Variants in GRM7 observed in about 807,000 individuals in gnomAD.
GRM7 encodes metabotropic glutamate receptor 7.
In GRM7, 35 loss-of-function variants were observed where a neutral mutation model predicts 84.5. The ratio of observed to expected loss-of-function variants is 0.41; its 90% confidence interval spans 0.32 to 0.55. The LOEUF (loss-of-function observed/expected upper bound fraction) is 0.55, where lower values mean the gene tolerates loss of function less well. Ranked by LOEUF, GRM7 falls within the 20% of genes least tolerant of loss-of-function variation. The probability of loss-of-function intolerance (pLI) is 0.19; values close to 1 mark genes in which losing one functional copy is unlikely to be tolerated. For missense variants in GRM7, 1,003 were observed against 1,194.6 expected (o/e 0.84, Z 2.36); for synonymous variants, 487 against 455.1 (o/e 1.07, Z -0.89).
chr3:7,229,722 CACACATATAT>C (rs1341765876), intron 2 of GRM7, among the ~76,000 whole-genome samples: 538 of 25,662 alleles, frequency 0.021, 30 homozygotes, highest in African/African-American at 0.043. Flanking sequence ...TCCATAGACA[CACACATATAT>C]ATATATATAT....
chr3:7,399,326 T>C (rs1005433602), intron 4 of GRM7, among the ~76,000 whole-genome samples: 9 of 152,168 alleles, frequency 5.9e-5, no homozygotes, highest in Non-Finnish European at 1.3e-4. Context: ...TGGTCTGTTC[T>C]GTAAAACTTT....
chr3:7,272,512 T>C (rs1698903755), intron 2 of GRM7, among the ~76,000 whole-genome samples: 1 of 152,132 alleles, frequency 6.6e-6, no homozygotes, highest in Non-Finnish European at 1.5e-5. Flanking sequence ...GGCTATTAAT[T>C]ATTGTTTCAA....
Position 7,680,158 on chromosome 3 carries a change from T to A in GRM7, c.2561T>A (p.Leu854His). The A allele has an allele frequency of 8.1e-6, 13 of 1,614,096 alleles. No homozygotes were observed. Among genetic ancestry groups the A allele is most frequent in the Non-Finnish European group, 1.0e-5 (12 of 1,180,014 alleles). ...TACATCATCATTTTCCACCCTGAAC[T>A]CAATGTCCAGAAACGGAAGCGAAGC... ...KVYIIIFHPE[L>H]NVQKRKRSFK... Residue 854 changes from leucine to histidine, a missense_variant, in exon 9 of 10, where the codon CTC (leucine) becomes CAC (histidine). Transcript: ENST00000357716.
intron 1 of GRM7, among the ~76,000 whole-genome samples, chr3:6,936,446 C>G (rs1469035476): frequency 2.0e-5 from 3 of 152,206 alleles, no homozygotes; most frequent in African/African-American, 7.2e-5. Context: ...CTCTCTCCAA[C>G]TAGGCCTGGA....
chr3:7,550,860 T>C (rs569747711), intron 7 of GRM7, among the ~76,000 whole-genome samples: 4 of 152,056 alleles, frequency 2.6e-5, no homozygotes, highest in Non-Finnish European at 5.9e-5. Flanking sequence ...TCAGTCTCAA[T>C]TGACTTAATC....
intron 4 of GRM7, among the ~76,000 whole-genome samples, chr3:7,314,971 A>G (rs1360327596): frequency 6.6e-6 from 1 of 151,774 alleles, no homozygotes; most frequent in Non-Finnish European, 1.5e-5. Context: ...TGACTTTTCC[A>G]TACTATTTCT....
At chr3:7,668,232 C>T (rs1699779158) in intron 8 of GRM7, among the ~76,000 whole-genome samples, 1 of 152,202 alleles carries the variant, frequency 6.6e-6, no homozygotes, top group Admixed American at 6.5e-5. Context: ...TTCCCCTTCC[C>T]ACCGAGTACC....
At chr3:6,945,748 C>T (rs532407110) in intron 1 of GRM7, among the ~76,000 whole-genome samples, 19 of 152,232 alleles carry the variant, frequency 1.2e-4, no homozygotes, top group South Asian at 6.2e-4. Flanking sequence ...TTTTAATGAT[C>T]GCCATTCTAA....
intron 2 of GRM7, among the ~76,000 whole-genome samples, chr3:7,282,696 T>G (rs1280820408): frequency 6.6e-6 from 1 of 152,224 alleles, no homozygotes; most frequent in Non-Finnish European, 1.5e-5. Flanking sequence ...GTAGGTAATG[T>G]TGATTAGACC....
chr3:7,521,785 C>A (rs563326811), intron 7 of GRM7, among the ~76,000 whole-genome samples: 2 of 152,130 alleles, frequency 1.3e-5, no homozygotes, highest in Non-Finnish European at 1.5e-5. Flanking sequence ...AAAAAAAGAA[C>A]GCCGAGTAGC....
intron 2 of GRM7, among the ~76,000 whole-genome samples, chr3:7,263,536 G>A (rs1248228088): frequency 6.6e-6 from 1 of 152,180 alleles, no homozygotes; most frequent in African/African-American, 2.4e-5. Context: ...ACGGGTCAGG[G>A]GCGGCTCCAC....
chr3:7,495,591 A>G (rs13081217), intron 7 of GRM7, among the ~76,000 whole-genome samples: 54,221 of 151,910 alleles, frequency 0.36, 10,766 homozygotes, highest in East Asian at 0.65. Flanking sequence ...TCAAGAGAAA[A>G]AAAGAATCTC....
At chr3:7,433,866 C>A (rs1328565605) in intron 5 of GRM7, among the ~76,000 whole-genome samples, 3 of 151,970 alleles carry the variant, frequency 2.0e-5, no homozygotes, top group East Asian at 3.9e-4. Context: ...TAGTACACAC[C>A]CAAATGAGAG....
At chr3:7,210,772 T>G (rs1275318834) in intron 2 of GRM7, among the ~76,000 whole-genome samples, 1 of 150,584 alleles carries the variant, frequency 6.6e-6, no homozygotes, top group Non-Finnish European at 1.5e-5. Flanking sequence ...GATACAGCGA[T>G]AAAGACAATT....
chr3:6,948,523 T>A (rs1698179864), intron 1 of GRM7, among the ~76,000 whole-genome samples: 1 of 152,218 alleles, frequency 6.6e-6, no homozygotes, highest in Non-Finnish European at 1.5e-5. Context: ...GAGAAGAATG[T>A]ATATTCTGTT....
intron 8 of GRM7, among the ~76,000 whole-genome samples, chr3:7,615,911 T>A (rs1697056963): frequency 6.6e-6 from 1 of 151,954 alleles, no homozygotes. Context: ...TATAAGCATA[T>A]AACGTATTTA....
chr3:7,306,507 T>C lies in GRM7; in HGVS notation c.888T>C (p.Leu296=), dbSNP rs1700199514. 1 of 1,613,810 alleles carries C rather than the reference T, an allele frequency of 6.2e-7. No individual in the cohort carries two copies. Among genetic ancestry groups the C allele is most frequent in the Admixed American group, 1.7e-5 (1 of 60,012 alleles). ...ATATTTCTTTCCACAGGCAGATCCT[T>C]GCAGCAGCCAAAAGAGCTGACCAAG... ...FANDEDIKQI[L]AAAKRADQVG... Residue 296 remains leucine, a synonymous_variant, in exon 4 of 10, where the codon CTT becomes CTC. Coordinates refer to ENST00000357716, the MANE Select transcript of GRM7 (RefSeq NM_000844.4).
Position 7,146,680 on chromosome 3 carries a change from T to C in GRM7, c.736+12T>C. ...TTCCAAAGAGGCAGGTAGGATGAGATTGCTCTGATCAAGCTGGCTCTCTTC... is the reference window on the plus strand; with the variant it reads ...TTCCAAAGAGGCAGGTAGGATGAGACTGCTCTGATCAAGCTGGCTCTCTTC... On this transcript the variant is annotated intron_variant, in intron 2 of 9. Transcript: ENST00000357716. The C allele has an allele frequency of 6.3e-7, 1 of 1,590,874 alleles. No individual in the cohort carries two copies. Among genetic ancestry groups the C allele is most frequent in the East Asian group, 2.2e-5 (1 of 44,716 alleles).
At chr3:7,064,479 T>TATACACACACAC in intron 1 of GRM7, among the ~76,000 whole-genome samples, 2 of 99,382 alleles carry the variant, frequency 2.0e-5, no homozygotes, top group Non-Finnish European at 4.2e-5. Context: ...TATATATATA[T>TATACACACACAC]ACACACATAT....
Sources: allele counts gnomAD v4.1 joint callset (sites outside exome capture counted in the v4.1 genomes callset), GRCh38; gene constraint gnomAD v4.1.1; transcripts MANE v1.5; gene names NCBI Gene and HGNC (gene_info 2026-07-23, HGNC 2026-07-21).